TAF12: variants seen among roughly 807,000 people sequenced by gnomAD.
TAF12 encodes transcription initiation factor TFIID subunit 12.
A neutral mutation model predicts 20.8 loss-of-function variants in TAF12; 3 were observed. The ratio of observed to expected loss-of-function variants is 0.14; its 90% CI spans 0.07 to 0.37. TAF12 has a LOEUF of 0.37. TAF12 is among the 10% of genes least tolerant of loss of function. The probability of loss-of-function intolerance (pLI) is 1.00; values close to 1 mark genes in which losing one functional copy is unlikely to be tolerated. For synonymous variants in TAF12, 69 were observed against 70.2 expected, an observed-to-expected ratio of 0.98 and a Z score of 0.09; for missense variants, 131 against 197.9, an observed-to-expected ratio of 0.66 and a Z score of 2.03.
Position 28,643,022 on chromosome 1 carries a change from CAG to C in TAF12, c.-117_-116del, listed in dbSNP as rs939840490. 6 of 985,842 alleles carry C rather than the reference CAG, an allele frequency of 6.1e-6. No homozygotes were observed. Among genetic ancestry groups the C allele is most frequent in the East Asian group, 1.1e-4 (1 of 8,826 alleles). 61.1% of individuals were successfully genotyped at this position (985,842 alleles called of 1,614,324 possible). ...GCAGCGTCTATCTCCCCATGATATG[CAG>C]AGACTGCCCCAGTGAAGCGTTCGTC... On this transcript the variant is annotated 5_prime_UTR_variant, in exon 1 of 6. Transcript: ENST00000373824.
At chr1:28,635,258 C>A (rs942588924) in intron 1 of TAF12, among the ~76,000 whole-genome samples, 62 of 146,184 alleles carry the variant, frequency 4.2e-4, no homozygotes, top group Non-Finnish European at 5.3e-4. Context: ...ATAAAAAAAA[C>A]CACATCTATC....
chr1:28,625,592 A>G (rs1004127496), intron 1 of TAF12, among the ~76,000 whole-genome samples: 1 of 139,476 alleles, frequency 7.2e-6, no homozygotes, highest in Non-Finnish European at 1.5e-5. Context: ...CCCAGGTCGG[A>G]CTGCAGTGGC....
At chr1:28,628,278 TG>T (rs201923786) in intron 1 of TAF12, among the ~76,000 whole-genome samples, 23,194 of 107,612 alleles carry the variant, frequency 0.22, 2,929 homozygotes, top group Middle Eastern at 0.36. Flanking sequence ...GGCATGAGAA[TG>T]GCTTGAACCC....
chr1:28,618,534 ATTTTTTTTTTTTT>A (rs968347496), intron 2 of TAF12, among the ~76,000 whole-genome samples: 2 of 125,704 alleles, frequency 1.6e-5, no homozygotes, highest in Non-Finnish European at 3.3e-5. Flanking sequence ...TACCTGGCTA[ATTTTTTTTTTTTT>A]TTTTTTTTTT....
At chr1:28,643,151 C>A (rs542264183), upstream of TAF12, 2 of 981,664 alleles carry the variant, frequency 2.0e-6, no homozygotes, top group Non-Finnish European at 2.4e-6. Flanking sequence ...CGGGCGCGCG[C>A]CTCGCTTGCG....
intron 1 of TAF12, among the ~76,000 whole-genome samples, chr1:28,639,912 G>C (rs1013909858): frequency 3.3e-5 from 5 of 151,640 alleles, no homozygotes; most frequent in African/African-American, 4.9e-5. Flanking sequence ...CACAATCTCG[G>C]CTCATTGAAC....
At chr1:28,629,798 T>TGGCTA (rs1667558712) in intron 1 of TAF12, among the ~76,000 whole-genome samples, 2 of 152,042 alleles carry the variant, frequency 1.3e-5, no homozygotes, top group Admixed American at 1.3e-4. Flanking sequence ...AAACCACACC[T>TGGCTA]GGCTAATTTT....
chr1:28,611,037 C>T lies in TAF12; in HGVS notation c.361+2210G>A, dbSNP rs556271324. On this transcript the variant is annotated intron_variant, in intron 4 of 5. Coordinates refer to ENST00000373824, the MANE Select transcript of TAF12 (RefSeq NM_005644.4). ...TGAACCTGGACAGGTTTCTGACTGCCTCAAAGAATAGAATTCACCAGGAGT... is the reference window on the plus strand; with the variant it reads ...TGAACCTGGACAGGTTTCTGACTGCTTCAAAGAATAGAATTCACCAGGAGT... Among the ~76,000 whole-genome samples, 8 of 151,340 alleles carry T rather than the reference C, an allele frequency of 5.3e-5. No homozygotes were observed. In the East Asian group the frequency reaches 1.6e-3, roughly 29 times the overall value.
chr1:28,603,469 T>C lies in TAF12; in HGVS notation c.*70A>G. The stretch of plus-strand genomic sequence containing the variant: ...AGCATTAAAAAAAAAAATCCAAGGA[T>C]GAGATGGCTGAGTTCTCAGCTCAAG... On this transcript the variant is annotated 3_prime_UTR_variant, in exon 6 of 6. Coordinates refer to ENST00000373824, the MANE Select transcript of TAF12 (RefSeq NM_005644.4). 1.3e-6 allele frequency: 2 copies of C among 1,535,196 alleles called. No individual in the cohort carries two copies. The highest frequency in any genetic ancestry group is 1.2e-5 in the South Asian group (1 of 86,932).
chr1:28,615,678 C>CAAAAAAAA (rs57536422), intron 3 of TAF12, among the ~76,000 whole-genome samples: 51 of 34,516 alleles, frequency 1.5e-3, no homozygotes, highest in Admixed American at 2.3e-3. Flanking sequence ...GACTCCGTCT[C>CAAAAAAAA]AAAAAAAAAA....
At chr1:28,623,046 A>G (rs1054227458) in intron 1 of TAF12, among the ~76,000 whole-genome samples, 1 of 151,346 alleles carries the variant, frequency 6.6e-6, no homozygotes, top group African/African-American at 2.4e-5. Context: ...CAAAAAAAAA[A>G]ACAAAACACA....
At chr1:28,626,845 G>A (rs952492769) in intron 1 of TAF12, among the ~76,000 whole-genome samples, 1 of 152,018 alleles carries the variant, frequency 6.6e-6, no homozygotes, top group African/African-American at 2.4e-5. Flanking sequence ...GGGAGGCGGA[G>A]GTTGCAGTGA....
Position 28,643,033 on chromosome 1 carries a change from C to G in TAF12, c.-126G>C. 1.0e-6 allele frequency: 1 copy of G among 985,914 alleles called. No individual in the cohort carries two copies. The allele number at this position is 985,914 out of a possible 1,614,324, so 61.1% of individuals were successfully genotyped here. On this transcript the variant is annotated 5_prime_UTR_variant, in exon 1 of 6. Coordinates refer to ENST00000373824, the MANE Select transcript of TAF12 (RefSeq NM_005644.4). Reference sequence around the variant, plus strand: ...CTCCCCATGATATGCAGAGACTGCCCCAGTGAAGCGTTCGTCTCAGCAGCC... The same window carrying G: ...CTCCCCATGATATGCAGAGACTGCCGCAGTGAAGCGTTCGTCTCAGCAGCC...
intron 1 of TAF12, among the ~76,000 whole-genome samples, chr1:28,633,029 A>AT (rs897231650): frequency 2.3e-4 from 34 of 144,992 alleles, no homozygotes; most frequent in East Asian, 6.0e-4. Context: ...ATGCCCAGCT[A>AT]TTTTTTTTTT....
At chr1:28,617,881 G>A in intron 3 of TAF12, 72 bp downstream of exon 3, 3 of 1,455,092 alleles carry the variant, frequency 2.1e-6, no homozygotes, top group Non-Finnish European at 2.9e-6. Flanking sequence ...CATCTGGCCT[G>A]TTTGTGCTCT....
At chr1:28,609,528 C>T (rs1424290168) in intron 4 of TAF12, among the ~76,000 whole-genome samples, 2 of 152,006 alleles carry the variant, frequency 1.3e-5, no homozygotes, top group Non-Finnish European at 2.9e-5. Context: ...GCTCTGTCGC[C>T]CAGGCTGGAG....
chr1:28,617,703 G>A (rs1363976873), intron 3 of TAF12, among the ~76,000 whole-genome samples: 1 of 151,838 alleles, frequency 6.6e-6, no homozygotes, highest in Admixed American at 6.6e-5. Context: ...CGCCCACCTC[G>A]ACCTCCCAAA....
intron 1 of TAF12, among the ~76,000 whole-genome samples, chr1:28,631,162 G>A (rs143336506): frequency 1.3e-5 from 2 of 151,846 alleles, no homozygotes; most frequent in East Asian, 3.9e-4. Context: ...GCAAAGGCTT[G>A]TGGGGGAGGA....
intron 4 of TAF12, among the ~76,000 whole-genome samples, chr1:28,611,132 G>A (rs1666848244): frequency 6.6e-6 from 1 of 151,996 alleles, no homozygotes; most frequent in Non-Finnish European, 1.5e-5. Context: ...TTAGTTCTGG[G>A]AGCCTTTAGC....
Sources: allele counts gnomAD v4.1 joint callset (sites outside exome capture counted in the v4.1 genomes callset), GRCh38; gene constraint gnomAD v4.1.1; transcripts MANE v1.5; gene names NCBI Gene and HGNC (gene_info 2026-07-23, HGNC 2026-07-21).